C19orf53: variants seen among roughly 807,000 people sequenced by gnomAD.
C19orf53 encodes chromosome 19 open reading frame 53.
C19orf53 carries 9 observed loss-of-function variants against 6.5 expected under a neutral mutation model. The observed-to-expected ratio is 1.38, with a 90% CI of 0.83 to 2.40. C19orf53 has a LOEUF of 2.40. Ranked by LOEUF, C19orf53 falls within the 30% of genes most tolerant of loss-of-function variation. The pLI is 0.00. For missense variants in C19orf53, 166 were observed against 129.7 expected (o/e 1.28, Z -1.36); for synonymous variants, 68 against 52.5 (o/e 1.29, Z -1.27).
At position 13,778,260 on chromosome 19, in the gene C19orf53, T is replaced by C. The variant is rs991437223; in HGVS notation, c.*62T>C. 11 of 1,486,774 alleles carry C rather than the reference T, an allele frequency of 7.4e-6. No homozygotes were observed. In the Admixed American group the frequency reaches 2.3e-4, roughly 31 times the overall value. 92.1% of individuals were successfully genotyped at this position (1,486,774 alleles called of 1,614,324 possible). A position where few individuals can be genotyped will look rare whatever the true frequency, so the allele number is the denominator to read the frequency against. Reference sequence around the variant, plus strand: ...CTACCTCCATATGGGACCTTGCAAGTCATCCCACAGGCTGCACTGTCAGGA... The same window carrying C: ...CTACCTCCATATGGGACCTTGCAAGCCATCCCACAGGCTGCACTGTCAGGA... On this transcript the variant is annotated 3_prime_UTR_variant, in exon 3 of 3. Transcript: ENST00000588234.
chr19:13,775,214 G>A (rs543839985), intron 2 of C19orf53, among the ~76,000 whole-genome samples: 1 of 152,304 alleles, frequency 6.6e-6, no homozygotes, highest in East Asian at 1.9e-4. Context: ...ACATGGGAAG[G>A]GAATTGAAAG....
chr19:13,774,738 G>A (rs749769601), intron 2 of C19orf53, 31 bp downstream of exon 2: 3 of 1,578,172 alleles, frequency 1.9e-6, no homozygotes, highest in Admixed American at 3.5e-5. Flanking sequence ...GAGCCCGGAG[G>A]GCGGCGAGTA....
Position 13,774,726 on chromosome 19 carries a change from T to C in C19orf53, c.153+19T>C. On this transcript the variant is annotated intron_variant, in intron 2 of 2. Transcript: ENST00000588234. ...CAAGAAGGTGTGCGGGGGCGAGAGA[T>C]GGAGCCCGGAGGGCGGCGAGTAGCG... The C allele has an allele frequency of 2.5e-6, 4 of 1,583,498 alleles. No individual in the cohort carries two copies. Among genetic ancestry groups the C allele is most frequent in the Non-Finnish European group, 3.4e-6 (4 of 1,160,612 alleles).
intron 2 of C19orf53, 57 bp from the exon 3 acceptor site, chr19:13,777,995 G>T: frequency 6.4e-7 from 1 of 1,556,268 alleles, no homozygotes; most frequent in South Asian, 1.2e-5. Flanking sequence ...AGGGTGACTG[G>T]TCAGGCCCTC....
chr19:13,776,235 C>A (rs1280842901), intron 2 of C19orf53, among the ~76,000 whole-genome samples: 5 of 150,166 alleles, frequency 3.3e-5, no homozygotes, highest in Non-Finnish European at 7.4e-5. Flanking sequence ...GCCTCGGCCT[C>A]CCAAAGTGCT....
At position 13,778,163 on chromosome 19, in the gene C19orf53, G is replaced by T; in HGVS notation, c.265G>T (p.Ala89Ser). ...LLKAPAKKKGAAAATSSKTPS is the reference protein window; with the variant it reads ...LLKAPAKKKGSAAATSSKTPS ...GAAGGCCCCAGCCAAGAAGAAAGGGGCAGCTGCCGCCACCTCCTCCAAGAC... is the reference window on the plus strand; with the variant it reads ...GAAGGCCCCAGCCAAGAAGAAAGGGTCAGCTGCCGCCACCTCCTCCAAGAC... The change falls in exon 3 of 3, where the codon GCA becomes TCA. Residue 89 changes from alanine to serine, a missense_variant. Coordinates refer to ENST00000588234, the MANE Select transcript of C19orf53 (RefSeq NM_014047.3). 1.2e-6 allele frequency: 2 copies of T among 1,611,080 alleles called. No homozygotes were observed. The highest frequency in any genetic ancestry group is 1.7e-6 in the Non-Finnish European group (2 of 1,178,238).
intron 2 of C19orf53, chr19:13,775,677 C>G (rs1036672167): frequency 2.0e-5 from 3 of 152,110 alleles, no homozygotes; most frequent in African/African-American, 7.2e-5. Context: ...GGAGTCAAAC[C>G]TGGGTTTGAA....
At chr19:13,775,131 A>G (rs1168973428) in intron 2 of C19orf53, among the ~76,000 whole-genome samples, 1 of 152,152 alleles carries the variant, frequency 6.6e-6, no homozygotes, top group Non-Finnish European at 1.5e-5. Context: ...CTGCGGCCCA[A>G]AAAGGGTTCC....
At chr19:13,777,989 TG>T (rs1400912992) in intron 2 of C19orf53, 62 bp from the exon 3 acceptor site, 1 of 1,536,588 alleles carries the variant, frequency 6.5e-7, no homozygotes, top group Non-Finnish European at 8.8e-7. Context: ...AGGAAGAGGG[TG>T]ACTGGTCAGG....
chr19:13,774,631 C>T, intron 1 of C19orf53, 21 bp from the exon 2 acceptor site: 1 of 1,613,150 alleles, frequency 6.2e-7, no homozygotes, highest in Non-Finnish European at 8.5e-7. Context: ...CCCGGCCTCA[C>T]GTGAGCACAT....
intron 2 of C19orf53, 92 bp downstream of exon 2, chr19:13,774,799 G>A (rs1441487272): frequency 6.7e-7 from 1 of 1,482,634 alleles, no homozygotes; most frequent in Admixed American, 2.0e-5. Flanking sequence ...GGAGCCCGGG[G>A]ATCAGTGAGG....
chr19:13,776,746 G>A (rs1008137661), intron 2 of C19orf53, among the ~76,000 whole-genome samples: 1 of 152,132 alleles, frequency 6.6e-6, no homozygotes, highest in Non-Finnish European at 1.5e-5. Flanking sequence ...GGCCTGCCTT[G>A]ATGGTGACCT....
rs1216478999 is a variant in C19orf53 at position 13,774,492 on chromosome 19, G to A, written c.15G>A (p.Gln5=). 5 of 1,609,498 alleles carry A rather than the reference G, an allele frequency of 3.1e-6. No individual in the cohort carries two copies. The highest frequency in any genetic ancestry group is 4.2e-6 in the Non-Finnish European group (5 of 1,178,154). ...CGTGCCGGACCATGGCGCAGGGGCA[G>A]CGCAAGTTTCAGGCGCACAAACCCG... MAQG[Q]RKFQAHKPAK... The change falls in exon 1 of 3, where the codon CAG becomes CAA. Residue 5 remains glutamine, a synonymous_variant. Transcript: ENST00000588234.
In C19orf53 at chr19:13,776,167, A is replaced by C. The variant is rs1599562964; in HGVS notation, c.153+1460A>C. On this transcript the variant is annotated intron_variant, in intron 2 of 2. Coordinates refer to ENST00000588234, the MANE Select transcript of C19orf53 (RefSeq NM_014047.3). ...TTTTTTTTTTGTAATTTTAGTAGAG[A>C]TGGGGTTTCACTATGTTGGCCAGGC... 2.6e-5 allele frequency among the ~76,000 whole-genome samples: 3 copies of C among 115,356 alleles called. No homozygotes were observed. The Admixed American group carries it at 3.4e-4, about 13-fold the overall frequency. The allele number at this position is 115,356 out of a possible 152,430, so 75.7% of individuals were successfully genotyped here. A position where few individuals can be genotyped will look rare whatever the true frequency, so the allele number is the denominator to read the frequency against.
chr19:13,777,515 C>T (rs1291381998), intron 2 of C19orf53, among the ~76,000 whole-genome samples: 2 of 152,196 alleles, frequency 1.3e-5, no homozygotes, highest in Non-Finnish European at 2.9e-5. Flanking sequence ...CTTGAGCCAC[C>T]ACACCCAGTC....
At position 13,774,538 on chromosome 19, in the gene C19orf53, G is replaced by A. The variant is rs777242305; in HGVS notation, c.61G>A (p.Ala21Thr). ...ACCCGCAAAGAGTAAGACGGCAGCG[G>A]CAGCCTCTGAAAAGAATCGGGGCCC... ...HKPAKSKTAAAASEKNRGPRK... is the reference protein window; with the variant it reads ...HKPAKSKTAATASEKNRGPRK... The change falls in exon 1 of 3, where the codon GCA becomes ACA. Residue 21 changes from alanine (A) to threonine (T), a missense_variant. Physicochemically the swap from Ala to Thr is moderately conservative, Grantham distance 58. Coordinates refer to ENST00000588234, the MANE Select transcript of C19orf53 (RefSeq NM_014047.3). 4.3e-6 allele frequency: 7 copies of A among 1,613,814 alleles called. No homozygotes were observed. Among genetic ancestry groups the A allele is most frequent in the Admixed American group, 1.7e-5 (1 of 60,012 alleles).
intron 2 of C19orf53, among the ~76,000 whole-genome samples, chr19:13,777,686 G>A (rs1437125831): frequency 6.6e-6 from 1 of 152,204 alleles, no homozygotes; most frequent in East Asian, 1.9e-4. Flanking sequence ...AAGCAGAGAT[G>A]ACCTGGGGCA....
chr19:13,775,226 C>G (rs1308562007), intron 2 of C19orf53, among the ~76,000 whole-genome samples: 1 of 152,142 alleles, frequency 6.6e-6, no homozygotes, highest in Non-Finnish European at 1.5e-5. Context: ...AATTGAAAGC[C>G]CAGCTTTGTA....
chr19:13,775,643 G>A (rs997079373), intron 2 of C19orf53: 1 of 152,100 alleles, frequency 6.6e-6, no homozygotes, highest in South Asian at 2.1e-4. Flanking sequence ...GAAGTTGGAA[G>A]GAGATTTAAA....
Sources: allele counts gnomAD v4.1 joint callset (sites outside exome capture counted in the v4.1 genomes callset), GRCh38; gene constraint gnomAD v4.1.1; transcripts MANE v1.5; gene names NCBI Gene and HGNC (gene_info 2026-07-23, HGNC 2026-07-21).